The following KLHL29 variants were observed in gnomAD, a reference collection of about 807,000 sequenced individuals.
The protein encoded by KLHL29 is kelch-like protein 29.
A neutral mutation model predicts 80.4 loss-of-function variants in KLHL29; 21 were observed. That is an observed-to-expected ratio of 0.26 (90% CI 0.19 to 0.38). The LOEUF (loss-of-function observed/expected upper bound fraction) is 0.38, where lower values mean the gene tolerates loss of function less well. Ranked by LOEUF, KLHL29 falls within the 10% of genes least tolerant of loss-of-function variation. The pLI is 1.00. For missense variants in KLHL29, 867 were observed against 1,223.9 expected, an observed-to-expected ratio of 0.71 and a Z score of 4.35; for synonymous variants, 511 against 526.8, an observed-to-expected ratio of 0.97 and a Z score of 0.41.
intron 2 of KLHL29, among the ~76,000 whole-genome samples, chr2:23,482,777 A>G (rs1355321570): frequency 6.6e-6 from 1 of 152,214 alleles, no homozygotes; most frequent in Non-Finnish European, 1.5e-5. Flanking sequence ...TGGGGACTAC[A>G]GGATGAATAC....
At chr2:23,505,948 A>G (rs933634505) in intron 2 of KLHL29, among the ~76,000 whole-genome samples, 1 of 152,098 alleles carries the variant, frequency 6.6e-6, no homozygotes, top group Admixed American at 6.5e-5. Flanking sequence ...ATCACTGCCA[A>G]TGCCAGGCAG....
rs1198845192 is a variant in KLHL29, at chr2:23,684,616, G to A, written c.1079+79G>A. 7.5e-7 allele frequency: 1 copy of A among 1,325,934 alleles called. No homozygotes were observed. The highest frequency in any genetic ancestry group is 1.5e-5 in the African/African-American group (1 of 66,970). The allele number at this position is 1,325,934 out of a possible 1,614,324, so 82.1% of individuals were successfully genotyped here. A position where few individuals can be genotyped will look rare whatever the true frequency, so the allele number is the denominator to read the frequency against. The stretch of plus-strand genomic sequence containing the variant: ...TGTCGCTTTTCTCTTCCCCTCTCTT[G>A]CAGGTTCCTGAAGCGTGACTCCCTG... On this transcript the variant is annotated intron_variant, in intron 6 of 13. Coordinates refer to ENST00000486442, the MANE Select transcript of KLHL29 (RefSeq NM_052920.2). The surrounding 1 kb of genome is among the most constrained non-coding windows in gnomAD (Gnocchi z 4.4).
chr2:23,655,043 A>G (rs1670205835), intron 5 of KLHL29, among the ~76,000 whole-genome samples: 1 of 152,170 alleles, frequency 6.6e-6, no homozygotes, highest in Non-Finnish European at 1.5e-5. Context: ...TAAGCTGGTG[A>G]TTCTTGGGCT....
Position 23,696,205 on chromosome 2 carries a change from G to A in KLHL29, c.1924+72G>A, listed in dbSNP as rs1223701372. On this transcript the variant is annotated intron_variant, in intron 10 of 13. Transcript: ENST00000486442. The surrounding 1 kb of genome is among the most constrained non-coding windows in gnomAD (Gnocchi z 5.5). ...GGGGACTGCTCCCCACGTCAGGGCTGAGGAAGGCCATGGCCCAGAAGTGTC... is the reference window on the plus strand; with the variant it reads ...GGGGACTGCTCCCCACGTCAGGGCTAAGGAAGGCCATGGCCCAGAAGTGTC... 11 of 1,502,326 alleles carry A rather than the reference G, an allele frequency of 7.3e-6. No homozygotes were observed. Among genetic ancestry groups the A allele is most frequent in the South Asian group, 3.8e-5 (3 of 79,306 alleles). 93.1% of individuals were successfully genotyped at this position (1,502,326 alleles called of 1,614,324 possible).
At chr2:23,613,167 C>G (rs1403315416) in intron 3 of KLHL29, among the ~76,000 whole-genome samples, 2 of 152,054 alleles carry the variant, frequency 1.3e-5, no homozygotes, top group Non-Finnish European at 2.9e-5. Flanking sequence ...AAAAGGAACA[C>G]AGAACAAGTG....
chr2:23,515,268 G>T (rs1172990699), intron 2 of KLHL29, among the ~76,000 whole-genome samples: 1 of 152,076 alleles, frequency 6.6e-6, no homozygotes, highest in Non-Finnish European at 1.5e-5. Flanking sequence ...CTGGTGTTCA[G>T]GGTCATGTCT....
Position 23,693,485 on chromosome 2 carries a change from C to A in KLHL29, c.1499C>A (p.Thr500Lys). Reference protein sequence around the residue: ...NTKAEELVYETVIKWIKKDPA... With the variant: ...NTKAEELVYEKVIKWIKKDPA... ...AAGGCTGAGGAGCTGGTGTACGAGA[C>A]AGTCATCAAGTGGATCAAGAAGGAC... Residue 500 changes from threonine to lysine, a missense_variant, in exon 8 of 14, where the codon ACA becomes AAA. By Grantham distance (78) the Thr-to-Lys change is moderately conservative. Transcript: ENST00000486442. The A allele has an allele frequency of 6.4e-7, 1 of 1,551,678 alleles. No individual in the cohort carries two copies. The highest frequency in any genetic ancestry group is 8.7e-7 in the Non-Finnish European group (1 of 1,146,944).
intron 3 of KLHL29, among the ~76,000 whole-genome samples, chr2:23,586,158 T>C (rs1267869802): frequency 6.6e-6 from 1 of 151,906 alleles, no homozygotes; most frequent in African/African-American, 2.4e-5. Context: ...CCTCAGAAAA[T>C]GCTACTTAAA....
chr2:23,608,407 C>T (rs1386367133), intron 3 of KLHL29, among the ~76,000 whole-genome samples: 2 of 151,356 alleles, frequency 1.3e-5, no homozygotes, highest in Non-Finnish European at 2.9e-5. Flanking sequence ...TCCTTCTTCC[C>T]CTACAAGACT....
At chr2:23,494,600 A>G (rs964259660) in intron 2 of KLHL29, among the ~76,000 whole-genome samples, 37 of 152,340 alleles carry the variant, frequency 2.4e-4, no homozygotes, top group East Asian at 7.7e-4. Flanking sequence ...AGGGACCTTC[A>G]TGCAAACTGC....
chr2:23,470,436 T>A (rs1664467126), intron 1 of KLHL29, among the ~76,000 whole-genome samples: 3 of 152,208 alleles, frequency 2.0e-5, no homozygotes, highest in Admixed American at 2.0e-4. Context: ...CTCTTTGACT[T>A]GCTGTGTGAC....
chr2:23,596,660 C>T lies in KLHL29; in HGVS notation c.285+34179C>T, dbSNP rs893432836. 1.3e-4 allele frequency among the ~76,000 whole-genome samples: 20 copies of T among 152,196 alleles called. No homozygotes were observed. Among genetic ancestry groups the T allele is most frequent in the African/African-American group, 4.8e-4 (20 of 41,454 alleles). ...CCATCGTGGGAATGTGCCTCTTTAG[C>T]ACGCCTTTAACCCCTATCCTGCAAG... On this transcript the variant is annotated intron_variant, in intron 3 of 13. Coordinates refer to ENST00000486442, the MANE Select transcript of KLHL29 (RefSeq NM_052920.2). This position sits in a 1 kb window ranked among gnomAD's most constrained non-coding sequence, Gnocchi z 4.4.
chr2:23,654,275 A>G (rs1670171406), intron 5 of KLHL29, among the ~76,000 whole-genome samples: 1 of 152,108 alleles, frequency 6.6e-6, no homozygotes, highest in Non-Finnish European at 1.5e-5. Flanking sequence ...TTCGAGAGCC[A>G]GAACCTGGCC....
chr2:23,446,413 T>A (rs1034436555), intron 1 of KLHL29, among the ~76,000 whole-genome samples: 4 of 152,200 alleles, frequency 2.6e-5, no homozygotes, highest in African/African-American at 7.2e-5. Flanking sequence ...ACAGTGTGCC[T>A]CTGTCATATT....
At chr2:23,577,643 G>T (rs550965822) in intron 3 of KLHL29, among the ~76,000 whole-genome samples, 47 of 152,006 alleles carry the variant, frequency 3.1e-4, no homozygotes, top group Non-Finnish European at 6.0e-4. Context: ...AGCTACTCTG[G>T]AGGCTGAGGC....
intron 1 of KLHL29, among the ~76,000 whole-genome samples, chr2:23,392,311 C>T (rs574575496): frequency 1.3e-5 from 2 of 152,344 alleles, no homozygotes; most frequent in South Asian, 4.1e-4. Flanking sequence ...CTGTAAGTCT[C>T]ACTATCAGTA....
At chr2:23,423,115 G>A in intron 1 of KLHL29, among the ~76,000 whole-genome samples, 1 of 152,396 alleles carries the variant, frequency 6.6e-6, no homozygotes, top group Non-Finnish European at 1.5e-5. Flanking sequence ...GGACAGTGGG[G>A]TTGGCGGGCC....
intron 2 of KLHL29, among the ~76,000 whole-genome samples, chr2:23,538,862 C>A (rs534869170): frequency 6.6e-6 from 1 of 152,244 alleles, no homozygotes; most frequent in African/African-American, 2.4e-5. Flanking sequence ...AACAAATAGG[C>A]ATCACCAAAT....
chr2:23,585,012 A>T (rs1452284455), intron 3 of KLHL29, among the ~76,000 whole-genome samples: 1 of 152,262 alleles, frequency 6.6e-6, no homozygotes. Flanking sequence ...CTGGGATTAC[A>T]GGCATGAACC....
Sources: allele counts gnomAD v4.1 joint callset (sites outside exome capture counted in the v4.1 genomes callset), GRCh38; gene constraint gnomAD v4.1.1; non-coding constraint Gnocchi (gnomAD v3.1); transcripts MANE v1.5; gene names NCBI Gene and HGNC (gene_info 2026-07-23, HGNC 2026-07-21).